SOX6: variants seen among roughly 807,000 people sequenced by gnomAD.
SOX6 encodes the protein SRY-box transcription factor 6.
Under a neutral mutation model 97.8 loss-of-function variants are expected in SOX6, and 11 were observed. That is an observed-to-expected ratio of 0.11 (90% CI 0.07 to 0.19). The LOEUF (loss-of-function observed/expected upper bound fraction) is 0.19. Ranked by LOEUF, SOX6 falls within the 10% of genes least tolerant of loss-of-function variation. SOX6 has a pLI of 1.00. For synonymous variants in SOX6, 360 were observed against 371.4 expected (o/e 0.97, Z 0.35); for missense variants, 810 against 1,039.5 (o/e 0.78, Z 3.04).
In SOX6 at chr11:16,446,190, T is replaced by A. The variant is rs148731575; in HGVS notation, c.-5+30125A>T. Among the ~76,000 whole-genome samples, 1,148 of 151,608 alleles carry A rather than the reference T, an allele frequency of 7.6e-3. 13 individuals are homozygous for A. The highest frequency in any genetic ancestry group is 0.027 in the African/African-American group (1,099 of 41,298). ...AATGGAGATTATTATAAGGGTTGCA[T>A]GTAAGAATGCAAAATGAAGGGGCAA... is the stretch of plus-strand genomic sequence containing the variant. On this transcript the variant is annotated intron_variant, in intron 1 of 15. Coordinates refer to the SOX6 transcript ENST00000396356.
At chr11:16,027,787 C>T (rs769672868) in intron 12 of SOX6, among the ~76,000 whole-genome samples, 4 of 152,194 alleles carry the variant, frequency 2.6e-5, no homozygotes, top group Admixed American at 6.5e-5. Flanking sequence ...CGTACATGCT[C>T]ACCGCGCATC....
At chr11:16,512,574 T>A (rs2133152451) in intron 4 of SOX6, among the ~76,000 whole-genome samples, 1 of 152,342 alleles carries the variant, frequency 6.6e-6, no homozygotes, top group East Asian at 1.9e-4. Flanking sequence ...TTGGCTTCAA[T>A]ATATCTGTAT....
chr11:16,329,420 G>T (rs901671921), intron 2 of SOX6, among the ~76,000 whole-genome samples: 4 of 152,078 alleles, frequency 2.6e-5, no homozygotes, highest in Admixed American at 6.6e-5. Flanking sequence ...AAGATTCAAA[G>T]GTCTTTAAAA....
chr11:16,033,860 G>A (rs1347493207), intron 12 of SOX6, among the ~76,000 whole-genome samples: 3 of 151,448 alleles, frequency 2.0e-5, no homozygotes, highest in South Asian at 2.1e-4. Context: ...CAACAAGAAC[G>A]AAACTCTGTC....
chr11:16,024,102 G>A (rs1399488948), intron 12 of SOX6, among the ~76,000 whole-genome samples: 4 of 152,066 alleles, frequency 2.6e-5, no homozygotes, highest in Non-Finnish European at 5.9e-5. Context: ...CTTATACGAA[G>A]GGTACATCTG....
At chr11:16,056,476 C>T (rs898491053) in intron 9 of SOX6, among the ~76,000 whole-genome samples, 1 of 152,108 alleles carries the variant, frequency 6.6e-6, no homozygotes, top group Admixed American at 6.6e-5. Flanking sequence ...CAGCGTATAA[C>T]ATAATCCTCA....
At chr11:16,079,361 G>A (rs939261066) in intron 9 of SOX6, among the ~76,000 whole-genome samples, 2 of 152,174 alleles carry the variant, frequency 1.3e-5, no homozygotes, top group South Asian at 2.1e-4. Flanking sequence ...AAGATTATTC[G>A]AATGCTATTT....
At chr11:16,228,727 G>A (rs1852758361) in intron 4 of SOX6, among the ~76,000 whole-genome samples, 1 of 152,072 alleles carries the variant, frequency 6.6e-6, no homozygotes, top group Non-Finnish European at 1.5e-5. Context: ...TGCTTGACTA[G>A]TAATCATTTC....
At chr11:16,609,896 C>G (rs1021286791) in intron 4 of SOX6, among the ~76,000 whole-genome samples, 2 of 152,176 alleles carry the variant, frequency 1.3e-5, no homozygotes, top group African/African-American at 4.8e-5. Context: ...GTGTCTCCAC[C>G]AGCCATGGTG....
chr11:16,116,152 G>A (rs763482387), intron 6 of SOX6, among the ~76,000 whole-genome samples: 1 of 152,130 alleles, frequency 6.6e-6, no homozygotes, highest in Non-Finnish European at 1.5e-5. Context: ...GTGATTAAAA[G>A]TTCTTCTTAT....
chr11:15,981,506 G>C (rs926933197), intron 15 of SOX6, among the ~76,000 whole-genome samples: 2 of 151,996 alleles, frequency 1.3e-5, no homozygotes, highest in Non-Finnish European at 1.5e-5. Flanking sequence ...ATAAAGACAA[G>C]GAAGTTTGTT....
intron 4 of SOX6, among the ~76,000 whole-genome samples, chr11:16,501,368 C>A (rs1370861919): frequency 1.3e-5 from 2 of 152,164 alleles, no homozygotes; most frequent in Admixed American, 6.5e-5. Context: ...TAGAAGAAAA[C>A]CTAGGCAATA....
intron 1 of SOX6, among the ~76,000 whole-genome samples, chr11:16,349,715 A>AGGAAGGAAGGAGGAAGGAAG (rs369882029): frequency 2.4e-5 from 1 of 41,730 alleles, no homozygotes; most frequent in African/African-American, 9.1e-5. Context: ...GAAGGAAGGA[A>AGGAAGGAAGGAGGAAGGAAG]GAAGGAAGGA....
intron 13 of SOX6, among the ~76,000 whole-genome samples, chr11:15,995,444 T>C (rs1385942173): frequency 1.3e-5 from 2 of 152,140 alleles, no homozygotes; most frequent in Non-Finnish European, 2.9e-5. Context: ...GTTAAAAATT[T>C]TCAGAGGAAG....
chr11:16,500,732 T>C (rs556343148), intron 4 of SOX6, among the ~76,000 whole-genome samples: 2 of 152,122 alleles, frequency 1.3e-5, no homozygotes, highest in African/African-American at 2.4e-5. Flanking sequence ...GAATGAAATA[T>C]CTAGGAATCC....
At chr11:16,648,860 A>G (rs1284691613) in intron 3 of SOX6, among the ~76,000 whole-genome samples, 1 of 152,194 alleles carries the variant, frequency 6.6e-6, no homozygotes, top group Admixed American at 6.5e-5. Context: ...CTTAAAAATT[A>G]TATTTAAAAA....
At chr11:16,162,618 C>T (rs1850779694) in intron 6 of SOX6, among the ~76,000 whole-genome samples, 1 of 152,204 alleles carries the variant, frequency 6.6e-6, no homozygotes, top group Admixed American at 6.5e-5. Flanking sequence ...TTGTAAGTTT[C>T]CTGAGGCTTC....
At chr11:16,325,652 G>A (rs1389121602) in intron 2 of SOX6, among the ~76,000 whole-genome samples, 1 of 152,050 alleles carries the variant, frequency 6.6e-6, no homozygotes, top group East Asian at 1.9e-4. Flanking sequence ...TTCTACAGTT[G>A]CAGGATCTCA....
intron 4 of SOX6, among the ~76,000 whole-genome samples, chr11:16,189,417 ATG>A (rs774040758): frequency 0.16 from 6,212 of 39,106 alleles, 414 homozygotes; most frequent in African/African-American, 0.43. Flanking sequence ...GTGTGTGTGC[ATG>A]TGTGTGTGTG....
Sources: gnomAD v4.1 joint callset for allele counts (sites outside exome capture counted in the v4.1 genomes callset) on GRCh38, gnomAD v4.1.1 for gene constraint, MANE v1.5 for transcripts, NCBI Gene and HGNC (gene_info 2026-07-23, HGNC 2026-07-21) for gene names.